ESRP1: variants seen among roughly 807,000 people sequenced by gnomAD.
ESRP1 encodes the protein epithelial splicing regulatory protein 1.
In ESRP1, 33 loss-of-function variants were observed where a neutral mutation model predicts 81.7. The observed-to-expected ratio is 0.40, with a 90% CI of 0.31 to 0.54. The LOEUF (loss-of-function observed/expected upper bound fraction) is 0.54. ESRP1 is among the 20% of genes least tolerant of loss of function. The probability of loss-of-function intolerance (pLI) is 0.41; values close to 1 mark genes in which losing one functional copy is unlikely to be tolerated. For missense variants in ESRP1, 672 were observed against 833.1 expected (o/e 0.81, Z 2.38); for synonymous variants, 320 against 303.3 (o/e 1.06, Z -0.57).
intron 6 of ESRP1, among the ~76,000 whole-genome samples, chr8:94,662,997 C>A (rs745668369): frequency 7.2e-5 from 11 of 152,052 alleles, no homozygotes; most frequent in Non-Finnish European, 1.3e-4. Context: ...TCTTGCTGTT[C>A]GGTCATCTGT....
intron 10 of ESRP1, among the ~76,000 whole-genome samples, chr8:94,671,211 C>G (rs59005296): frequency 6.6e-6 from 1 of 152,170 alleles, no homozygotes; most frequent in African/African-American, 2.4e-5. Context: ...GTGTATTTGA[C>G]AAAAATGAGT....
At chr8:94,705,752 C>CTT in intron 15 of ESRP1, 173 bp from the exon 16 acceptor site, 3 of 608,288 alleles carry the variant, frequency 4.9e-6, no homozygotes, top group Non-Finnish European at 8.5e-6. Context: ...ACTCCCAAAG[C>CTT]CCTTGCCATG....
chr8:94,665,924 T>C (rs1818995200), intron 9 of ESRP1, among the ~76,000 whole-genome samples: 1 of 152,220 alleles, frequency 6.6e-6, no homozygotes, highest in South Asian at 2.1e-4. Flanking sequence ...AACATGGTAG[T>C]TTTGGGTCTC....
intron 4 of ESRP1, chr8:94,656,045 T>C (rs1248066844): frequency 6.6e-6 from 1 of 151,388 alleles, no homozygotes. Flanking sequence ...ATCATCAATA[T>C]GGCGACCTCC....
chr8:94,698,926 T>G (rs933701807), intron 15 of ESRP1, among the ~76,000 whole-genome samples: 5 of 152,186 alleles, frequency 3.3e-5, no homozygotes, highest in Non-Finnish European at 7.3e-5. Context: ...TATATCTTGG[T>G]CCTACCAAGG....
chr8:94,685,033 A>C (rs1809082407), intron 13 of ESRP1, among the ~76,000 whole-genome samples: 1 of 151,958 alleles, frequency 6.6e-6, no homozygotes. Flanking sequence ...AAAAAAAAAA[A>C]AAGCCATATA....
At chr8:94,643,694 C>T (rs1817719230) in intron 3 of ESRP1, among the ~76,000 whole-genome samples, 1 of 152,074 alleles carries the variant, frequency 6.6e-6, no homozygotes, top group Admixed American at 6.6e-5. Flanking sequence ...TACAAAGATA[C>T]TCTTTGGTGA....
chr8:94,667,187 C>A (rs1346177746), intron 9 of ESRP1, among the ~76,000 whole-genome samples: 5 of 150,112 alleles, frequency 3.3e-5, no homozygotes, highest in African/African-American at 9.8e-5. Context: ...CACTGCACTC[C>A]AGCCTAGGAG....
At chr8:94,683,477 T>A (rs771641187) in intron 13 of ESRP1, among the ~76,000 whole-genome samples, 1 of 152,204 alleles carries the variant, frequency 6.6e-6, no homozygotes, top group Non-Finnish European at 1.5e-5. Flanking sequence ...TACATGGAGA[T>A]CCCTTGTACA....
At chr8:94,664,341 C>G (rs1376247671) in intron 6 of ESRP1, among the ~76,000 whole-genome samples, 1 of 152,028 alleles carries the variant, frequency 6.6e-6, no homozygotes, top group Non-Finnish European at 1.5e-5. Flanking sequence ...CCAGGCTGGT[C>G]GCAAACTCCT....
intron 2 of ESRP1, 21 bp downstream of exon 2, chr8:94,642,105 C>A: frequency 3.7e-6 from 6 of 1,606,288 alleles, no homozygotes; most frequent in Non-Finnish European, 5.1e-6. Flanking sequence ...CGGGTCACGC[C>A]ACCCACCCCA....
intron 13 of ESRP1, among the ~76,000 whole-genome samples, chr8:94,689,654 A>AG (rs1307057553): frequency 6.6e-6 from 1 of 151,760 alleles, no homozygotes; most frequent in East Asian, 1.9e-4. Flanking sequence ...TTTAGAATTT[A>AG]GGATTTTTTT....
chr8:94,680,724 G>A (rs1586230303), intron 13 of ESRP1, among the ~76,000 whole-genome samples: 1 of 152,182 alleles, frequency 6.6e-6, no homozygotes, highest in Middle Eastern at 3.4e-3. Context: ...ACCACGCTCG[G>A]TGAAAAACAT....
intron 12 of ESRP1, among the ~76,000 whole-genome samples, chr8:94,677,019 A>G (rs1159327097): frequency 6.6e-6 from 1 of 152,064 alleles, no homozygotes; most frequent in Non-Finnish European, 1.5e-5. Flanking sequence ...TCAGAATATG[A>G]GCACAGGCTG....
At chr8:94,652,145 G>T (rs1008670944) in intron 4 of ESRP1, among the ~76,000 whole-genome samples, 9 of 151,848 alleles carry the variant, frequency 5.9e-5, no homozygotes, top group African/African-American at 2.2e-4. Flanking sequence ...GTGCCACCAT[G>T]CCCAGCTAAT....
At chr8:94,688,403 GA>G in intron 13 of ESRP1, 1 of 279,322 alleles carries the variant, frequency 3.6e-6, no homozygotes, top group Non-Finnish European at 6.9e-6. Context: ...CAGAGCTGGG[GA>G]AATTGTTGTG....
chr8:94,695,095 T>C (rs1809544512), intron 14 of ESRP1, among the ~76,000 whole-genome samples: 1 of 152,164 alleles, frequency 6.6e-6, no homozygotes, highest in Non-Finnish European at 1.5e-5. Flanking sequence ...TGTTCTCAGT[T>C]GAATTCACTA....
intron 3 of ESRP1, among the ~76,000 whole-genome samples, chr8:94,645,427 G>GAA (rs3840685): frequency 1.3e-5 from 2 of 149,614 alleles, no homozygotes; most frequent in African/African-American, 4.9e-5. Flanking sequence ...ATTTTGTTAA[G>GAA]AAAAAAAAAA....
intron 13 of ESRP1, among the ~76,000 whole-genome samples, chr8:94,685,448 T>C (rs1809098449): frequency 6.6e-6 from 1 of 152,164 alleles, no homozygotes; most frequent in Non-Finnish European, 1.5e-5. Flanking sequence ...AGCTTGAGGC[T>C]GCAGTGAGCT....
Sources: gnomAD v4.1 joint callset for allele counts (sites outside exome capture counted in the v4.1 genomes callset) on GRCh38, gnomAD v4.1.1 for gene constraint, MANE v1.5 for transcripts, NCBI Gene and HGNC (gene_info 2026-07-23, HGNC 2026-07-21) for gene names.